Variants in CPA6 observed in about 807,000 individuals in gnomAD.
CPA6 encodes carboxypeptidase A6.
Under a neutral mutation model 63.3 loss-of-function variants are expected in CPA6, and 58 were observed. The observed-to-expected ratio is 0.92, with a 90% CI of 0.74 to 1.14. The LOEUF (loss-of-function observed/expected upper bound fraction) is 1.14, where lower values mean the gene tolerates loss of function less well. Ranked by LOEUF, CPA6 falls within the 50% of genes most tolerant of loss-of-function variation. CPA6 has a pLI of 0.00. For synonymous variants in CPA6, 185 were observed against 179.0 expected (o/e 1.03, Z -0.27); for missense variants, 565 against 526.6 (o/e 1.07, Z -0.71).
rs190204716 is a variant in CPA6 at position 67,464,298 on chromosome 8, C to T, written c.838+19470G>A. Among the ~76,000 whole-genome samples, 227 of 152,126 alleles carry T rather than the reference C, an allele frequency of 1.5e-3. 1 individual carries two copies. The highest frequency in any genetic ancestry group is 5.3e-3 in the African/African-American group (220 of 41,500). On this transcript the variant is annotated intron_variant, in intron 8 of 10. Transcript: ENST00000297770. ...GAGCATTTTTTCATATGTTTGTTGG[C>T]TGCTTATATATTTTCTTTTGAGAAA...
At chr8:67,604,110 T>C (rs1375629463) in intron 2 of CPA6, among the ~76,000 whole-genome samples, 1 of 152,218 alleles carries the variant, frequency 6.6e-6, no homozygotes, top group Non-Finnish European at 1.5e-5. Context: ...CTACAACTTA[T>C]TAACCTTGGG....
intron 8 of CPA6, among the ~76,000 whole-genome samples, chr8:67,454,131 C>T (rs1293426919): frequency 6.6e-6 from 1 of 152,212 alleles, no homozygotes; most frequent in Non-Finnish European, 1.5e-5. Context: ...TCTATACCAA[C>T]CCTGTCTTTA....
At chr8:67,652,015 T>C (rs1361608681) in intron 1 of CPA6, among the ~76,000 whole-genome samples, 2 of 152,064 alleles carry the variant, frequency 1.3e-5, no homozygotes, top group South Asian at 2.1e-4. Context: ...TCCTTGGTGA[T>C]AGTTTGCTGG....
intron 1 of CPA6, among the ~76,000 whole-genome samples, chr8:67,630,819 C>T (rs1222763606): frequency 6.6e-6 from 1 of 152,344 alleles, no homozygotes; most frequent in East Asian, 1.9e-4. Context: ...GCACTTTGAT[C>T]AGCCAGCTGG....
At chr8:67,577,212 T>C (rs2128977603) in intron 2 of CPA6, among the ~76,000 whole-genome samples, 1 of 152,122 alleles carries the variant, frequency 6.6e-6, no homozygotes, top group East Asian at 1.9e-4. Context: ...AAATTCCACT[T>C]TAGCTGAATC....
chr8:67,685,877 T>C (rs779188693), intron 1 of CPA6, among the ~76,000 whole-genome samples: 2 of 152,190 alleles, frequency 1.3e-5, no homozygotes, highest in Non-Finnish European at 2.9e-5. Context: ...TGCTCTCTTA[T>C]TTCATTCATA....
chr8:67,483,950 C>G, intron 7 of CPA6, 92 bp from the exon 8 acceptor site: 1 of 1,035,836 alleles, frequency 9.7e-7, no homozygotes, highest in Non-Finnish European at 1.5e-6. Flanking sequence ...AGAGTCATAC[C>G]ACTGAGGGGA....
chr8:67,737,187 C>A (rs184570768), intron 1 of CPA6, among the ~76,000 whole-genome samples: 1 of 152,196 alleles, frequency 6.6e-6, no homozygotes, highest in South Asian at 2.1e-4. Context: ...ACCTCTGCAG[C>A]CTTCCCTCCC....
intron 2 of CPA6, among the ~76,000 whole-genome samples, chr8:67,537,896 C>G (rs1812620247): frequency 6.6e-6 from 1 of 152,186 alleles, no homozygotes; most frequent in Non-Finnish European, 1.5e-5. Context: ...TCTTTGTTCT[C>G]ATTGGTTTCA....
intron 1 of CPA6, among the ~76,000 whole-genome samples, chr8:67,676,252 A>G (rs908300081): frequency 2.6e-5 from 4 of 152,192 alleles, no homozygotes; most frequent in Non-Finnish European, 5.9e-5. Context: ...AAATATGGAG[A>G]GGCAGCTTCG....
chr8:67,694,366 C>T (rs1482789567), intron 1 of CPA6, among the ~76,000 whole-genome samples: 5 of 152,230 alleles, frequency 3.3e-5, no homozygotes, highest in Non-Finnish European at 7.3e-5. Flanking sequence ...AGAGACAGCT[C>T]TTGGCCTGCT....
intron 2 of CPA6, among the ~76,000 whole-genome samples, chr8:67,621,673 G>A (rs77403248): frequency 0.014 from 2,075 of 152,310 alleles, 47 homozygotes; most frequent in African/African-American, 0.047. Flanking sequence ...TTGTGGCTGA[G>A]AGGAGCTGGA....
intron 2 of CPA6, among the ~76,000 whole-genome samples, chr8:67,583,174 G>A (rs149029018): frequency 1.1e-3 from 174 of 152,206 alleles, no homozygotes; most frequent in African/African-American, 3.7e-3. Context: ...CTGGGTAGTT[G>A]CGTGAAGATT....
chr8:67,540,009 C>T (rs1445676593), intron 2 of CPA6, among the ~76,000 whole-genome samples: 4 of 152,164 alleles, frequency 2.6e-5, no homozygotes, highest in African/African-American at 9.7e-5. Flanking sequence ...GCCAATTCAT[C>T]AGACTCATTC....
intron 8 of CPA6, among the ~76,000 whole-genome samples, chr8:67,474,435 C>T (rs1178891806): frequency 2.0e-5 from 3 of 152,010 alleles, no homozygotes; most frequent in Non-Finnish European, 2.9e-5. Flanking sequence ...ATTGGCCAGG[C>T]TGGTCTCAAA....
chr8:67,454,197 T>C (rs1810619753), intron 8 of CPA6, among the ~76,000 whole-genome samples: 1 of 152,202 alleles, frequency 6.6e-6, no homozygotes, highest in Non-Finnish European at 1.5e-5. Flanking sequence ...ATAAATTAAT[T>C]TGGGTGGAAA....
chr8:67,605,872 TC>T (rs1814623541), intron 2 of CPA6, among the ~76,000 whole-genome samples: 1 of 152,074 alleles, frequency 6.6e-6, no homozygotes, highest in African/African-American at 2.4e-5. Context: ...TAAGGCTTTG[TC>T]ATAGTCATGC....
intron 1 of CPA6, among the ~76,000 whole-genome samples, chr8:67,667,603 C>T (rs980111107): frequency 2.6e-5 from 4 of 152,220 alleles, no homozygotes; most frequent in Middle Eastern, 3.4e-3. Flanking sequence ...AAGGGAGGAT[C>T]GGCAAGGTTA....
intron 2 of CPA6, among the ~76,000 whole-genome samples, chr8:67,576,223 G>C (rs527895874): frequency 6.6e-6 from 1 of 152,160 alleles, no homozygotes; most frequent in South Asian, 2.1e-4. Context: ...TGAGGTGATG[G>C]ATAAGTTTAT....
Sources: allele counts gnomAD v4.1 joint callset (sites outside exome capture counted in the v4.1 genomes callset), GRCh38; gene constraint gnomAD v4.1.1; transcripts MANE v1.5; gene names NCBI Gene and HGNC (gene_info 2026-07-23, HGNC 2026-07-21).